SPIDR: variants seen among roughly 807,000 people sequenced by gnomAD.
SPIDR encodes the protein scaffold protein involved in DNA repair, also known as DNA repair-scaffolding protein.
Under a neutral mutation model 104.6 loss-of-function variants are expected in SPIDR, and 93 were observed. The observed-to-expected ratio is 0.89, with a 90% CI of 0.75 to 1.06. The LOEUF (loss-of-function observed/expected upper bound fraction) is 1.06, where lower values mean the gene tolerates loss of function less well. SPIDR is among the 50% of genes least tolerant of loss of function. The pLI is 0.00. For missense variants in SPIDR, 1,154 were observed against 1,111.2 expected, an observed-to-expected ratio of 1.04 and a Z score of -0.55; for synonymous variants, 431 against 416.9, an observed-to-expected ratio of 1.03 and a Z score of -0.41.
At chr8:47,594,953 G>A (rs572167880) in intron 8 of SPIDR, among the ~76,000 whole-genome samples, 1 of 152,160 alleles carries the variant, frequency 6.6e-6, no homozygotes, top group African/African-American at 2.4e-5. Flanking sequence ...CTGAGACCAT[G>A]CCACTGCACT....
chr8:47,415,080 T>G (rs1324171334), intron 7 of SPIDR, among the ~76,000 whole-genome samples: 1 of 152,096 alleles, frequency 6.6e-6, no homozygotes, highest in African/African-American at 2.4e-5. Context: ...ATTTTTTGTA[T>G]TTTTAGTACA....
chr8:47,671,175 G>A (rs566812374), intron 10 of SPIDR, among the ~76,000 whole-genome samples: 2 of 152,278 alleles, frequency 1.3e-5, no homozygotes, highest in African/African-American at 4.8e-5. Flanking sequence ...CTCCCAAAGT[G>A]CTGGGATTAC....
chr8:47,322,302 G>T (rs898068819), intron 5 of SPIDR, among the ~76,000 whole-genome samples: 1 of 152,186 alleles, frequency 6.6e-6, no homozygotes, highest in Non-Finnish European at 1.5e-5. Context: ...CTTCTCAAAA[G>T]AAGACATTTA....
intron 16 of SPIDR, among the ~76,000 whole-genome samples, chr8:47,715,567 G>T (rs576268998): frequency 6.6e-6 from 1 of 152,192 alleles, no homozygotes; most frequent in Non-Finnish European, 1.5e-5. Context: ...GGAAAGAGCC[G>T]TGATTACTTT....
At chr8:47,510,869 G>A (rs922311193) in intron 8 of SPIDR, among the ~76,000 whole-genome samples, 9 of 152,196 alleles carry the variant, frequency 5.9e-5, no homozygotes, top group African/African-American at 1.9e-4. Context: ...ATACAACTAA[G>A]GAGAAAACAA....
At chr8:47,407,674 C>T (rs548272836) in intron 6 of SPIDR, among the ~76,000 whole-genome samples, 187 bp from the exon 7 acceptor site, 1 of 152,176 alleles carries the variant, frequency 6.6e-6, no homozygotes, top group Admixed American at 6.5e-5. Context: ...AACCAAGCTT[C>T]TAAGAAAACA....
chr8:47,384,039 A>G (rs1405995773), intron 5 of SPIDR, among the ~76,000 whole-genome samples: 3 of 152,240 alleles, frequency 2.0e-5, no homozygotes, highest in Non-Finnish European at 4.4e-5. Flanking sequence ...TTGGTAATGC[A>G]TTCACAAAAC....
At chr8:47,260,919 C>CGCGCTGAGGAGGCGGT, upstream of SPIDR, 6 of 1,219,174 alleles carry the variant, frequency 4.9e-6, no homozygotes, top group Middle Eastern at 9.6e-4. Flanking sequence ...GGGACGGCGG[C>CGCGCTGAGGAGGCGGT]GCGCTGAGGA....
intron 5 of SPIDR, among the ~76,000 whole-genome samples, chr8:47,361,743 A>G (rs149753340): frequency 1.1e-3 from 164 of 152,304 alleles, no homozygotes; most frequent in African/African-American, 3.2e-3. Context: ...TGCAGGTCGG[A>G]GAACTACAGT....
chr8:47,427,807 C>T (rs1367743775), intron 7 of SPIDR, among the ~76,000 whole-genome samples: 5 of 152,220 alleles, frequency 3.3e-5, no homozygotes, highest in Non-Finnish European at 7.3e-5. Context: ...TTTCTTACTG[C>T]TTCCAGGAAC....
intron 7 of SPIDR, among the ~76,000 whole-genome samples, chr8:47,434,867 A>G (rs1370643582): frequency 2.0e-5 from 3 of 152,226 alleles, no homozygotes; most frequent in Non-Finnish European, 2.9e-5. Flanking sequence ...GACCCTGACT[A>G]CCTGTATATT....
At chr8:47,735,111 GGTGTGTGTGTGTGTGTGTGT>G (rs202076247) in intron 19 of SPIDR, among the ~76,000 whole-genome samples, 176 bp from the exon 20 acceptor site, 1 of 135,182 alleles carries the variant, frequency 7.4e-6, no homozygotes, top group East Asian at 2.0e-4. Context: ...TGTGTGTGTG[GGTGTGTGTGTGTGTGTGTGT>G]GTGTAGTGGC....
chr8:47,654,024 G>A lies in SPIDR; in HGVS notation c.1545-19777G>A, dbSNP rs1193590228. On this transcript the variant is annotated intron_variant, in intron 10 of 19. Transcript: ENST00000297423. The stretch of plus-strand genomic sequence containing the variant: ...GGCAAGGACTATCAGATTCCATGAG[G>A]GGAACAGGCGGGAGCCAAGACAGAT... 4 of 1,288,236 alleles carry A rather than the reference G, an allele frequency of 3.1e-6. No individual in the cohort carries two copies. In the African/African-American group the frequency reaches 4.5e-5, roughly 15 times the overall value. The allele number at this position is 1,288,236 out of a possible 1,614,324, so 79.8% of individuals were successfully genotyped here.
chr8:47,380,203 C>T lies in SPIDR; in HGVS notation c.526-16173C>T, dbSNP rs782483940. On this transcript the variant is annotated intron_variant, in intron 5 of 19. Coordinates refer to ENST00000297423, the MANE Select transcript of SPIDR (RefSeq NM_001080394.4). ...GACCTCTCAGCCTGCACCACAGCAACGCGTGCTGCCCCTGCCTGGGCCTGG... is the reference window on the plus strand; with the variant it reads ...GACCTCTCAGCCTGCACCACAGCAATGCGTGCTGCCCCTGCCTGGGCCTGG... Among the ~76,000 whole-genome samples, 11 of 152,224 alleles carry T rather than the reference C, an allele frequency of 7.2e-5. 1 individual carries two copies. Among genetic ancestry groups the T allele is most frequent in the Admixed American group, 1.3e-4 (2 of 15,284 alleles).
intron 5 of SPIDR, among the ~76,000 whole-genome samples, chr8:47,386,912 TATAGA>T (rs2060003069): frequency 4.2e-5 from 1 of 24,022 alleles, no homozygotes; most frequent in East Asian, 1.5e-3. Flanking sequence ...GAGATATAGA[TATAGA>T]TATAGATATA....
At chr8:47,427,258 G>C (rs1184963361) in intron 7 of SPIDR, among the ~76,000 whole-genome samples, 2 of 148,658 alleles carry the variant, frequency 1.3e-5, no homozygotes, top group African/African-American at 4.9e-5. Context: ...AAAATAAATT[G>C]TCAGAAGCAG....
intron 8 of SPIDR, among the ~76,000 whole-genome samples, chr8:47,590,401 A>G (rs575175861): frequency 6.6e-6 from 1 of 152,138 alleles, no homozygotes; most frequent in South Asian, 2.1e-4. Context: ...TTGTTTTTAC[A>G]TTTTCATTGA....
intron 5 of SPIDR, among the ~76,000 whole-genome samples, chr8:47,342,693 C>A (rs1180217100): frequency 6.6e-6 from 1 of 151,968 alleles, no homozygotes; most frequent in South Asian, 2.1e-4. Context: ...ATTGTACACT[C>A]CTTTCTTATT....
chr8:47,277,956 A>T (rs2036893069), intron 1 of SPIDR, among the ~76,000 whole-genome samples: 1 of 152,128 alleles, frequency 6.6e-6, no homozygotes, highest in African/African-American at 2.4e-5. Context: ...TACAGGCATG[A>T]GCCACCGTGC....
Sources: gnomAD v4.1 joint callset for allele counts (sites outside exome capture counted in the v4.1 genomes callset) on GRCh38, gnomAD v4.1.1 for gene constraint, MANE v1.5 for transcripts, NCBI Gene and HGNC (gene_info 2026-07-23, HGNC 2026-07-21) for gene names.